The following GSE1 variants were observed in gnomAD, a reference collection of about 807,000 sequenced individuals.
GSE1 encodes genetic suppressor element 1.
GSE1 carries 32 observed loss-of-function variants against 112.6 expected under a neutral mutation model. That is an observed-to-expected ratio of 0.28 (90% CI 0.21 to 0.38). The LOEUF (loss-of-function observed/expected upper bound fraction) is 0.38. Among genes scored for constraint, GSE1 ranks in the 10% least tolerant of loss-of-function variants. The pLI is 1.00. For missense variants in GSE1, 2,348 were observed against 1,699.2 expected, an observed-to-expected ratio of 1.38 and a Z score of -6.71; for synonymous variants, 1,115 against 735.6, an observed-to-expected ratio of 1.52 and a Z score of -8.35.
chr16:85,597,396 A>AG (rs2047279971), intron 1 of GSE1, among the ~76,000 whole-genome samples: 1 of 149,910 alleles, frequency 6.7e-6, no homozygotes, highest in East Asian at 1.9e-4. Flanking sequence ...AAAAAAAAAA[A>AG]AAGAAGAAGA....
intron 1 of GSE1, among the ~76,000 whole-genome samples, chr16:85,276,233 A>G (rs1360051204): frequency 1.3e-5 from 2 of 152,256 alleles, no homozygotes; most frequent in Non-Finnish European, 2.9e-5. Flanking sequence ...CTGCCAGCCC[A>G]TGCTGAGCAT....
upstream of GSE1, chr16:85,554,829 G>A (rs1371062827): frequency 8.2e-6 from 8 of 969,832 alleles, no homozygotes; most frequent in Non-Finnish European, 9.8e-6. Context: ...CCAGAGCGCG[G>A]AGTTGGGCAG....
chr16:85,488,514 C>A (rs12599760), intron 2 of GSE1, among the ~76,000 whole-genome samples: 3 of 151,778 alleles, frequency 2.0e-5, no homozygotes, highest in African/African-American at 7.3e-5. Flanking sequence ...TCCAAGCTCC[C>A]TGTTCCTGCC....
At chr16:85,526,953 C>T (rs900388650) in intron 2 of GSE1, among the ~76,000 whole-genome samples, 4 of 152,326 alleles carry the variant, frequency 2.6e-5, no homozygotes, top group African/African-American at 7.2e-5. Flanking sequence ...AATTAAGTAG[C>T]AGCAATATGG....
chr16:85,352,026 T>G (rs2046861090), intron 1 of GSE1, among the ~76,000 whole-genome samples: 1 of 151,934 alleles, frequency 6.6e-6, no homozygotes, highest in African/African-American at 2.4e-5. Context: ...CCAAATAGAC[T>G]GGGGATCCCA....
At chr16:85,362,075 T>C (rs931532182) in intron 2 of GSE1, among the ~76,000 whole-genome samples, 1 of 152,094 alleles carries the variant, frequency 6.6e-6, no homozygotes, top group African/African-American at 2.4e-5. Context: ...GCTCCAGGGC[T>C]GGGGACTCTG....
At chr16:85,519,284 CCA>C (rs2052060252) in intron 2 of GSE1, among the ~76,000 whole-genome samples, 1 of 113,180 alleles carries the variant, frequency 8.8e-6, no homozygotes, top group South Asian at 3.6e-4. Flanking sequence ...ATCACCATCA[CCA>C]CCACCATCAC....
intron 1 of GSE1, among the ~76,000 whole-genome samples, chr16:85,316,046 C>T (rs553878144): frequency 6.6e-6 from 1 of 152,198 alleles, no homozygotes; most frequent in African/African-American, 2.4e-5. Flanking sequence ...ATCGAATGTC[C>T]CACCCGATGG....
chr16:85,181,633 A>C (rs908255882), intron 1 of GSE1, among the ~76,000 whole-genome samples: 4 of 152,194 alleles, frequency 2.6e-5, no homozygotes, highest in African/African-American at 9.7e-5. Flanking sequence ...CCATCAACCT[A>C]GTCTCCCGCT....
At chr16:85,438,208 G>A (rs555802275) in intron 2 of GSE1, among the ~76,000 whole-genome samples, 5 of 152,188 alleles carry the variant, frequency 3.3e-5, no homozygotes, top group Admixed American at 6.5e-5. Context: ...TCTGTAGAGT[G>A]TGTGGAATGA....
chr16:85,313,133 C>T (rs769151113), intron 1 of GSE1, among the ~76,000 whole-genome samples: 30 of 152,184 alleles, frequency 2.0e-4, no homozygotes, highest in African/African-American at 5.5e-4. Context: ...CCCAGGGAAC[C>T]GTCTCAGAAA....
intron 1 of GSE1, among the ~76,000 whole-genome samples, chr16:85,589,080 C>T (rs192906203): frequency 9.7e-4 from 148 of 152,254 alleles, no homozygotes; most frequent in Middle Eastern, 3.4e-3. Context: ...CTCCCCTTCC[C>T]GGGATCCCCG....
intron 1 of GSE1, among the ~76,000 whole-genome samples, chr16:85,258,893 C>T (rs1440356990): frequency 6.6e-6 from 1 of 152,238 alleles, no homozygotes; most frequent in African/African-American, 2.4e-5. Context: ...CCTCCCCCCG[C>T]CAGCTGCCCT....
intron 3 of GSE1, 45 bp downstream of exon 3, chr16:85,648,796 G>A: frequency 8.3e-7 from 1 of 1,201,336 alleles, no homozygotes; most frequent in Non-Finnish European, 1.2e-6. Flanking sequence ...TAAGTGGGGA[G>A]GCTGGATTCA....
chr16:85,353,221 G>A (rs1046495539), intron 1 of GSE1, among the ~76,000 whole-genome samples: 3 of 152,098 alleles, frequency 2.0e-5, no homozygotes, highest in Non-Finnish European at 4.4e-5. Flanking sequence ...CTGGGGACTC[G>A]ACCGGGGAAG....
chr16:85,499,721 A>T (rs1478042285), intron 2 of GSE1, among the ~76,000 whole-genome samples: 2 of 152,206 alleles, frequency 1.3e-5, no homozygotes, highest in Non-Finnish European at 2.9e-5. Flanking sequence ...ATTAAAAATA[A>T]TTTTTAAAAA....
chr16:85,661,125 A>AGGGTT (rs1193465798), intron 8 of GSE1, 21 bp from the exon 9 acceptor site: 1 of 1,542,932 alleles, frequency 6.5e-7, no homozygotes, highest in African/African-American at 1.4e-5. Context: ...CCCTGACTGA[A>AGGGTT]GGGTTGGTTT....
upstream of GSE1, chr16:85,555,787 C>G (rs2151259064): frequency 3.1e-6 from 3 of 976,462 alleles, no homozygotes; most frequent in South Asian, 4.7e-5. Context: ...GATTGCTACT[C>G]GCACGTCCTG....
In GSE1 at chr16:85,666,100, G is replaced by T. The variant is rs144920258; in HGVS notation, c.2883G>T (p.Ser961=). ...KLEQVRPQEL[S]RVQELAPASG... is the part of the protein sequence containing the mutation. ...AACAGGTCCGGCCCCAGGAGCTGTC[G>T]AGAGTCCAGGAGCTAGCTCCTGCCA... Residue 961 remains serine (S), a synonymous_variant, in exon 13 of 16, where the codon TCG becomes TCT. Transcript: ENST00000253458. The T allele has an allele frequency of 5.6e-6, 9 of 1,613,052 alleles. No homozygotes were observed. Among genetic ancestry groups the T allele is most frequent in the African/African-American group, 5.3e-5 (4 of 74,920 alleles).
Sources: gnomAD v4.1 joint callset for allele counts (sites outside exome capture counted in the v4.1 genomes callset) on GRCh38, gnomAD v4.1.1 for gene constraint, MANE v1.5 for transcripts, NCBI Gene and HGNC (gene_info 2026-07-23, HGNC 2026-07-21) for gene names.